Variants in DLG5 observed in about 807,000 individuals in gnomAD.
DLG5 encodes the protein disks large homolog 5.
Under a neutral mutation model 189.8 loss-of-function variants are expected in DLG5, and 48 were observed. The observed-to-expected ratio is 0.25, with a 90% CI of 0.20 to 0.32. The LOEUF (loss-of-function observed/expected upper bound fraction) is 0.32. Among genes scored for constraint, DLG5 ranks in the 10% least tolerant of loss-of-function variants. The pLI is 1.00. For synonymous variants in DLG5, 1,016 were observed against 1,054.1 expected, an observed-to-expected ratio of 0.96 and a Z score of 0.70; for missense variants, 2,160 against 2,544.7, an observed-to-expected ratio of 0.85 and a Z score of 3.25.
intron 1 of DLG5, among the ~76,000 whole-genome samples, chr10:77,916,519 T>G (rs1377664220): frequency 1.3e-5 from 2 of 151,724 alleles, no homozygotes; most frequent in Admixed American, 1.3e-4. Context: ...CTCGAACTCC[T>G]AGCCTCAGAT....
At chr10:77,880,377 C>T (rs919839556) in intron 1 of DLG5, among the ~76,000 whole-genome samples, 9 of 152,178 alleles carry the variant, frequency 5.9e-5, no homozygotes, top group African/African-American at 2.2e-4. Context: ...TTGCTTGAAC[C>T]CAGGAGGCGG....
chr10:77,843,774 C>G, intron 5 of DLG5, 68 bp from the exon 6 acceptor site: 3 of 1,598,312 alleles, frequency 1.9e-6, no homozygotes, highest in Non-Finnish European at 2.6e-6. Context: ...CCCACTCTCA[C>G]TTTTGTCTAT....
intron 27 of DLG5, among the ~76,000 whole-genome samples, chr10:77,798,142 G>A (rs1347420948): frequency 6.6e-6 from 1 of 152,148 alleles, no homozygotes; most frequent in East Asian, 1.9e-4. Flanking sequence ...AGCCGAGACT[G>A]CACCACTGTA....
intron 2 of DLG5, among the ~76,000 whole-genome samples, chr10:77,857,424 G>A (rs1431070587): frequency 6.6e-6 from 1 of 152,204 alleles, no homozygotes; most frequent in Non-Finnish European, 1.5e-5. Context: ...GACAGTGCAC[G>A]GCTCCCTTTT....
At chr10:77,875,581 T>C (rs1264980035) in intron 1 of DLG5, among the ~76,000 whole-genome samples, 1 of 152,144 alleles carries the variant, frequency 6.6e-6, no homozygotes. Flanking sequence ...GGAGTCGCAG[T>C]GTGTGGGCAA....
In DLG5 at chr10:77,869,148, G is replaced by C; in HGVS notation, c.354C>G (p.Ser118Arg). ...ACTCACCCACACTGCTGAGGGAGCT[G>C]CTGCTTTCTGAGTCTGAGGGCATGG... ...LSTMPSDSES[S>R]SSLSSVGTTG... Residue 118 changes from serine to arginine, a missense_variant, in exon 2 of 32, where the codon AGC becomes AGG. Coordinates refer to ENST00000372391, the MANE Select transcript of DLG5 (RefSeq NM_004747.4). The C allele has an allele frequency of 1.2e-6, 2 of 1,613,896 alleles. No homozygotes were observed. Among genetic ancestry groups the C allele is most frequent in the Non-Finnish European group, 1.7e-6 (2 of 1,179,946 alleles).
chr10:77,820,335 G>T, intron 15 of DLG5: 2 of 177,242 alleles, frequency 1.1e-5, no homozygotes, highest in Admixed American at 6.7e-5. Flanking sequence ...GACAGAGTGA[G>T]ACTCCATCTT....
rs550948991 is a variant in DLG5, at chr10:77,815,753, G to A, written c.4025+798C>T. Among the ~76,000 whole-genome samples the A allele has an allele frequency of 6.6e-5, 10 of 152,312 alleles. No individual in the cohort carries two copies. In the South Asian group the frequency reaches 2.1e-3, roughly 32 times the overall value. ...GCTTTCTGGACTCAAATGAAAGAGA[G>A]TATCTGTGTTTCTTTTGGTGATTAA... is the stretch of plus-strand genomic sequence containing the variant. On this transcript the variant is annotated intron_variant, in intron 20 of 31. Coordinates refer to ENST00000372391, the MANE Select transcript of DLG5 (RefSeq NM_004747.4).
chr10:77,889,422 C>G (rs1175299935), intron 1 of DLG5: 1 of 152,598 alleles, frequency 6.6e-6, no homozygotes. Flanking sequence ...GGGTATCCAG[C>G]CCTCACCCGT....
intron 26 of DLG5, 124 bp from the exon 27 acceptor site, chr10:77,805,985 G>C: frequency 1.1e-6 from 1 of 945,292 alleles, no homozygotes; most frequent in South Asian, 1.7e-5. Context: ...CTCCTTGGCA[G>C]GTCTCAAGGC....
At chr10:77,863,121 T>G (rs951336883) in intron 2 of DLG5, among the ~76,000 whole-genome samples, 1 of 152,186 alleles carries the variant, frequency 6.6e-6, no homozygotes, top group Non-Finnish European at 1.5e-5. Flanking sequence ...AGACAGGGTC[T>G]TGCTCTGTCA....
chr10:77,908,466 C>T (rs965226779), intron 1 of DLG5, among the ~76,000 whole-genome samples: 1 of 152,144 alleles, frequency 6.6e-6, no homozygotes, highest in Non-Finnish European at 1.5e-5. Context: ...GAGAACCAGC[C>T]CAGAGAGAAT....
At chr10:77,857,934 T>TA (rs1844315912) in intron 2 of DLG5, among the ~76,000 whole-genome samples, 1 of 152,156 alleles carries the variant, frequency 6.6e-6, no homozygotes, top group South Asian at 2.1e-4. Flanking sequence ...ATGATAGGTC[T>TA]TCTGATTCTC....
intron 1 of DLG5, among the ~76,000 whole-genome samples, chr10:77,888,803 C>T (rs901182869): frequency 2.0e-5 from 3 of 152,180 alleles, no homozygotes; most frequent in Admixed American, 1.3e-4. Context: ...TAATATTTTC[C>T]AAGCTCTTTT....
intron 1 of DLG5, among the ~76,000 whole-genome samples, chr10:77,904,026 C>T (rs1846004413): frequency 6.6e-6 from 1 of 152,152 alleles, no homozygotes; most frequent in Non-Finnish European, 1.5e-5. Flanking sequence ...TGCTCTAAGT[C>T]AAGTGTGGTG....
chr10:77,869,244 G>A (rs554756625), intron 1 of DLG5, 47 bp from the exon 2 acceptor site: 32 of 1,565,738 alleles, frequency 2.0e-5, no homozygotes, highest in African/African-American at 1.5e-4. Context: ...GGGGTCACTC[G>A]TCTTCACCCC....
chr10:77,812,420 A>C, intron 20 of DLG5, 43 bp from the exon 21 acceptor site: 1 of 1,593,036 alleles, frequency 6.3e-7, no homozygotes, highest in Non-Finnish European at 8.6e-7. Context: ...GGTCAAACAA[A>C]AGGGTTGGGG....
intron 2 of DLG5, among the ~76,000 whole-genome samples, chr10:77,860,380 C>T (rs1844426573): frequency 6.6e-6 from 1 of 152,250 alleles, no homozygotes. Context: ...TCACCGCAAC[C>T]TCCACCTCCT....
At chr10:77,866,623 CTG>C (rs1298714360) in intron 2 of DLG5, among the ~76,000 whole-genome samples, 2 of 151,808 alleles carry the variant, frequency 1.3e-5, no homozygotes, top group African/African-American at 2.4e-5. Context: ...AAGTAGCCAC[CTG>C]TGTTTAGTGG....
Sources: gnomAD v4.1 joint callset for allele counts (sites outside exome capture counted in the v4.1 genomes callset) on GRCh38, gnomAD v4.1.1 for gene constraint, MANE v1.5 for transcripts, NCBI Gene and HGNC (gene_info 2026-07-23, HGNC 2026-07-21) for gene names.